The following CEP162 variants were observed in gnomAD, a reference collection of about 807,000 sequenced individuals.
CEP162 encodes the protein centrosomal protein of 162 kDa.
CEP162 carries 141 observed loss-of-function variants against 169.2 expected under a neutral mutation model. The observed-to-expected ratio is 0.83, with a 90% CI of 0.73 to 0.96. The LOEUF (loss-of-function observed/expected upper bound fraction) is 0.96, where lower values mean the gene tolerates loss of function less well. Among genes scored for constraint, CEP162 ranks in the 40% least tolerant of loss-of-function variants. The pLI is 0.00. For missense variants in CEP162, 1,600 were observed against 1,587.2 expected, an observed-to-expected ratio of 1.01 and a Z score of -0.14; for synonymous variants, 540 against 526.4, an observed-to-expected ratio of 1.03 and a Z score of -0.35.
chr6:84,147,326 TGGGAGTGG>T (rs2099519317), intron 24 of CEP162, among the ~76,000 whole-genome samples: 1 of 151,960 alleles, frequency 6.6e-6, no homozygotes, highest in South Asian at 2.1e-4. Context: ...ATACCAGAGA[TGGGAGTGG>T]GGGGTTGGGA....
At chr6:84,145,238 G>A (rs943328499) in intron 25 of CEP162, among the ~76,000 whole-genome samples, 1 of 152,050 alleles carries the variant, frequency 6.6e-6, no homozygotes, top group Non-Finnish European at 1.5e-5. Flanking sequence ...AATTTACCTG[G>A]ATCTATTGGT....
In CEP162 at chr6:84,151,419, TAG is replaced by T. The variant is rs369216652; in HGVS notation, c.3629+1124_3629+1125del. Among the ~76,000 whole-genome samples, 14 of 151,724 alleles carry T rather than the reference TAG, an allele frequency of 9.2e-5. No homozygotes were observed. In the East Asian group the frequency reaches 2.5e-3, roughly 27 times the overall value. ...GCTGGGCTGGTAATTAAAATAAATATAGACAGGGAAGGGGAGCTTGGGAAGGG... is the reference window on the plus strand; with the variant it reads ...GCTGGGCTGGTAATTAAAATAAATATACAGGGAAGGGGAGCTTGGGAAGGG... On this transcript the variant is annotated intron_variant, in intron 23 of 26. Transcript: ENST00000403245.
chr6:84,146,778 A>G lies in CEP162; in HGVS notation c.3779T>C (p.Ile1260Thr), dbSNP rs781650902. 1.6e-5 allele frequency: 25 copies of G among 1,528,780 alleles called. No individual in the cohort carries two copies. The Admixed American group carries it at 3.8e-4, about 23-fold the overall frequency. 94.7% of individuals were successfully genotyped at this position (1,528,780 alleles called of 1,614,324 possible). Reference protein sequence around the residue: ...NRKIATQEVLIRHFQSQVNEL... With the variant: ...NRKIATQEVLTRHFQSQVNEL... ...ATTAACTTGACTTTGGAAATGTCTT[A>G]TAAGTACCTAGGAAATTGTTAGAAG... The change falls in exon 25 of 27, where the codon ATA becomes ACA. Residue 1260 changes from isoleucine (I) to threonine (T), a missense_variant. Transcript: ENST00000403245.
chr6:84,191,595 T>C (rs1325132444), intron 11 of CEP162, among the ~76,000 whole-genome samples: 1 of 152,192 alleles, frequency 6.6e-6, no homozygotes. Flanking sequence ...TATAACCCTG[T>C]CTTTTTAATT....
At chr6:84,168,218 A>G (rs2099528603) in intron 18 of CEP162, among the ~76,000 whole-genome samples, 1 of 152,118 alleles carries the variant, frequency 6.6e-6, no homozygotes, top group Admixed American at 6.6e-5. Flanking sequence ...ATATGGTAAT[A>G]TTAATTTCTG....
Position 84,215,383 on chromosome 6 carries a change from A to G in CEP162, c.402T>C (p.Phe134=). The G allele has an allele frequency of 6.2e-7, 1 of 1,609,418 alleles. No individual in the cohort carries two copies. Among genetic ancestry groups the G allele is most frequent in the Non-Finnish European group, 8.5e-7 (1 of 1,177,364 alleles). Residue 134 remains phenylalanine (F), a synonymous_variant, in exon 5 of 27, where the codon TTT becomes TTC. Coordinates refer to ENST00000403245, the MANE Select transcript of CEP162 (RefSeq NM_014895.4). The part of the protein sequence containing the change: ...TLEEQEEKEQ[F]FARLEKGLTS... ...TCAAGCCTTTCTCAAGCCTGGCAAA[A>G]AATTGTTCTTTCTCCTCTTGTTCTT...
intron 20 of CEP162, 46 bp from the exon 21 acceptor site, chr6:84,160,962 C>T (rs1297569766): frequency 1.6e-6 from 2 of 1,284,466 alleles, no homozygotes; most frequent in African/African-American, 1.5e-5. Context: ...GTAAACATAA[C>T]AGAAAAGCTC....
rs1554166051 is a variant in CEP162, at chr6:84,155,423, C to T, written c.2869G>A (p.Val957Met). The T allele has an allele frequency of 1.9e-6, 3 of 1,613,392 alleles. No individual in the cohort carries two copies. Among genetic ancestry groups the T allele is most frequent in the Non-Finnish European group, 2.5e-6 (3 of 1,179,472 alleles). Residue 957 changes from valine to methionine, a missense_variant, in exon 22 of 27, where the codon GTG (valine) becomes ATG (methionine). Coordinates refer to ENST00000403245, the MANE Select transcript of CEP162 (RefSeq NM_014895.4). Reference sequence around the variant, plus strand: ...ATAAATTCCACTGTATTTTTATCCACTGTATCACCAGCTGCTGATGCAGCC... The same window carrying T: ...ATAAATTCCACTGTATTTTTATCCATTGTATCACCAGCTGCTGATGCAGCC... The part of the protein sequence containing the change: ...ILAASAAGDT[V>M]DKNTVEFMEK...
chr6:84,134,915 T>TACACAC (rs1464989596), intron 25 of CEP162, among the ~76,000 whole-genome samples: 15 of 73,992 alleles, frequency 2.0e-4, no homozygotes, highest in Middle Eastern at 6.8e-3. Context: ...GAAAAGATCA[T>TACACAC]ATATACACAC....
intron 25 of CEP162, among the ~76,000 whole-genome samples, chr6:84,129,109 G>C (rs1197179058): frequency 6.6e-6 from 1 of 152,098 alleles, no homozygotes; most frequent in Non-Finnish European, 1.5e-5. Context: ...CATTTGGGTT[G>C]GTTCCAAGTC....
chr6:84,127,007 A>G (rs1411090377), intron 25 of CEP162, among the ~76,000 whole-genome samples: 1 of 152,160 alleles, frequency 6.6e-6, no homozygotes, highest in Non-Finnish European at 1.5e-5. Context: ...TCATTCCACA[A>G]ATAAATGTAT....
At chr6:84,161,070 T>C (rs1204054513) in intron 20 of CEP162, among the ~76,000 whole-genome samples, 154 bp from the exon 21 acceptor site, 1 of 152,150 alleles carries the variant, frequency 6.6e-6, no homozygotes, top group African/African-American at 2.4e-5. Context: ...TCCTCCCAAG[T>C]TCCAGGCACT....
At chr6:84,154,555 G>A (rs1278037146) in intron 22 of CEP162, among the ~76,000 whole-genome samples, 1 of 151,988 alleles carries the variant, frequency 6.6e-6, no homozygotes, top group African/African-American at 2.4e-5. Flanking sequence ...ATAAATATGT[G>A]GGAAATGAAA....
intron 13 of CEP162, among the ~76,000 whole-genome samples, chr6:84,178,766 C>T (rs1158784083): frequency 6.6e-6 from 1 of 152,136 alleles, no homozygotes; most frequent in Admixed American, 6.5e-5. Flanking sequence ...CCCATTAACT[C>T]ATCATTTAAA....
chr6:84,133,778 C>T (rs1272752527), intron 25 of CEP162, among the ~76,000 whole-genome samples: 1 of 152,152 alleles, frequency 6.6e-6, no homozygotes, highest in East Asian at 1.9e-4. Flanking sequence ...CTTCCCTTGG[C>T]TAGGAAAGGG....
At chr6:84,154,073 ATGTT>A (rs1485693106) in intron 22 of CEP162, among the ~76,000 whole-genome samples, 1 of 152,096 alleles carries the variant, frequency 6.6e-6, no homozygotes, top group Non-Finnish European at 1.5e-5. Flanking sequence ...AGCTGGCTGA[ATGTT>A]TGGTATATAC....
chr6:84,156,114 A>G (rs2099523047), intron 21 of CEP162, among the ~76,000 whole-genome samples: 1 of 152,170 alleles, frequency 6.6e-6, no homozygotes. Flanking sequence ...AGTCACCAAA[A>G]AAATACACTA....
chr6:84,185,678 T>C (rs553093726), intron 12 of CEP162, among the ~76,000 whole-genome samples: 2 of 151,514 alleles, frequency 1.3e-5, no homozygotes, highest in Admixed American at 1.3e-4. Flanking sequence ...TAAAGCAAAA[T>C]TAGCTTGCCA....
chr6:84,196,517 T>C (rs971228299), intron 9 of CEP162, among the ~76,000 whole-genome samples: 2 of 152,218 alleles, frequency 1.3e-5, no homozygotes, highest in African/African-American at 4.8e-5. Flanking sequence ...AAAATAATGA[T>C]TGCATATTTT....
Sources: gnomAD v4.1 joint callset for allele counts (sites outside exome capture counted in the v4.1 genomes callset) on GRCh38, gnomAD v4.1.1 for gene constraint, MANE v1.5 for transcripts, NCBI Gene and HGNC (gene_info 2026-07-23, HGNC 2026-07-21) for gene names.